Variants in KIAA1958 observed in about 807,000 individuals in gnomAD.
KIAA1958 encodes uncharacterized protein KIAA1958.
A neutral mutation model predicts 47.2 loss-of-function variants in KIAA1958; 14 were observed. That is an observed-to-expected ratio of 0.30 (90% confidence interval 0.20 to 0.46). The LOEUF (loss-of-function observed/expected upper bound fraction) is 0.46. Ranked by LOEUF, KIAA1958 falls within the 20% of genes least tolerant of loss-of-function variation. The pLI is 1.00. For synonymous variants in KIAA1958, 354 were observed against 353.3 expected, an observed-to-expected ratio of 1.00 and a Z score of -0.02; for missense variants, 803 against 909.2, an observed-to-expected ratio of 0.88 and a Z score of 1.50.
At chr9:112,589,406 G>A (rs1174141318) in intron 2 of KIAA1958, among the ~76,000 whole-genome samples, 1 of 152,190 alleles carries the variant, frequency 6.6e-6, no homozygotes, top group Admixed American at 6.5e-5. Flanking sequence ...AGACCAGCCT[G>A]ACCAACATGG....
chr9:112,565,967 G>A (rs935628220), intron 1 of KIAA1958, among the ~76,000 whole-genome samples: 5 of 152,124 alleles, frequency 3.3e-5, no homozygotes, highest in East Asian at 3.9e-4. Context: ...GCAGTGGCGC[G>A]ATCTCAGCTC....
intron 1 of KIAA1958, among the ~76,000 whole-genome samples, chr9:112,543,786 T>A (rs1156474085): frequency 6.6e-6 from 1 of 152,114 alleles, no homozygotes; most frequent in Non-Finnish European, 1.5e-5. Context: ...TTGGTCAGGC[T>A]GGTCTCGAAC....
chr9:112,539,724 T>C (rs568637674), intron 1 of KIAA1958, among the ~76,000 whole-genome samples: 17 of 152,238 alleles, frequency 1.1e-4, no homozygotes, highest in South Asian at 4.1e-4. Context: ...GGAGTCTCCC[T>C]CTGTCACCGA....
At chr9:112,636,371 GTTC>G (rs1276224759) in intron 2 of KIAA1958, among the ~76,000 whole-genome samples, 1 of 151,970 alleles carries the variant, frequency 6.6e-6, no homozygotes, top group Non-Finnish European at 1.5e-5. Flanking sequence ...TGTGTGTGTT[GTTC>G]TTCTTTATGT....
chr9:112,547,859 T>C (rs1835067817), intron 1 of KIAA1958, among the ~76,000 whole-genome samples: 1 of 152,166 alleles, frequency 6.6e-6, no homozygotes. Context: ...TGAAGCCTGC[T>C]GCCTGGAGGA....
intron 2 of KIAA1958, among the ~76,000 whole-genome samples, chr9:112,609,548 A>G (rs935878405): frequency 6.6e-6 from 1 of 152,096 alleles, no homozygotes; most frequent in Admixed American, 6.6e-5. Flanking sequence ...GAAACTTTAT[A>G]TATACGTAAT....
At position 112,487,067 on chromosome 9, in the gene KIAA1958, G is replaced by A; in HGVS notation, c.-76G>A. On this transcript the variant is annotated 5_prime_UTR_variant, in exon 1 of 4. Coordinates refer to ENST00000337530, the MANE Select transcript of KIAA1958 (RefSeq NM_133465.4). ...CAGCCCGGGCTGCCCGGCTCTCGCAGGCCCCCCCGCGCCGACCGCGTTCCT... is the reference window on the plus strand; with the variant it reads ...CAGCCCGGGCTGCCCGGCTCTCGCAAGCCCCCCCGCGCCGACCGCGTTCCT... 2 of 224,674 alleles carry A rather than the reference G, an allele frequency of 8.9e-6. No individual in the cohort carries two copies. Among genetic ancestry groups the A allele is most frequent in the South Asian group, 9.5e-5 (2 of 21,008 alleles). The allele number at this position is 224,674 out of a possible 1,614,324, so 13.9% of individuals were successfully genotyped here.
intron 1 of KIAA1958, among the ~76,000 whole-genome samples, chr9:112,549,006 C>T (rs1835092614): frequency 6.6e-6 from 1 of 152,132 alleles, no homozygotes; most frequent in Non-Finnish European, 1.5e-5. Flanking sequence ...AGCTTGGTCT[C>T]GGACCTTTAG....
At chr9:112,647,559 T>C (rs1436384985) in intron 3 of KIAA1958, among the ~76,000 whole-genome samples, 1 of 152,174 alleles carries the variant, frequency 6.6e-6, no homozygotes, top group East Asian at 1.9e-4. Flanking sequence ...CACGAAGGCC[T>C]TTAGATAGCA....
chr9:112,592,451 G>A (rs1835940860), intron 2 of KIAA1958, among the ~76,000 whole-genome samples: 1 of 152,124 alleles, frequency 6.6e-6, no homozygotes, highest in African/African-American at 2.4e-5. Flanking sequence ...GTCACTTTGG[G>A]CAAATTACTT....
At chr9:112,614,990 A>G (rs1476822961) in intron 2 of KIAA1958, among the ~76,000 whole-genome samples, 1 of 152,208 alleles carries the variant, frequency 6.6e-6, no homozygotes, top group Non-Finnish European at 1.5e-5. Flanking sequence ...ACAGACTTAA[A>G]CTTTTTTGCT....
intron 1 of KIAA1958, among the ~76,000 whole-genome samples, chr9:112,505,341 T>C (rs961367165): frequency 5.3e-5 from 8 of 152,226 alleles, no homozygotes; most frequent in African/African-American, 1.9e-4. Flanking sequence ...CTCAGTGCTT[T>C]AGTTTCCGCG....
intron 2 of KIAA1958, among the ~76,000 whole-genome samples, chr9:112,611,756 A>G (rs543742612): frequency 6.6e-6 from 1 of 152,222 alleles, no homozygotes; most frequent in Admixed American, 6.5e-5. Context: ...TTGTTATACA[A>G]AAGTTTTAAA....
intron 3 of KIAA1958, among the ~76,000 whole-genome samples, chr9:112,652,012 G>A (rs1001845113): frequency 5.3e-5 from 8 of 152,146 alleles, no homozygotes; most frequent in Non-Finnish European, 8.8e-5. Context: ...GACTACAGGC[G>A]TGCAACACCA....
At chr9:112,506,651 A>T (rs1834240167) in intron 1 of KIAA1958, among the ~76,000 whole-genome samples, 2 of 150,524 alleles carry the variant, frequency 1.3e-5, no homozygotes. Flanking sequence ...CAGTGCTGAT[A>T]TTATTTTCTT....
intron 2 of KIAA1958, among the ~76,000 whole-genome samples, chr9:112,634,553 C>T (rs1836769274): frequency 6.6e-6 from 1 of 152,106 alleles, no homozygotes; most frequent in Non-Finnish European, 1.5e-5. Flanking sequence ...TTTAATTGGA[C>T]TATCTCCCTT....
At chr9:112,570,818 C>T (rs1835519985) in intron 1 of KIAA1958, among the ~76,000 whole-genome samples, 1 of 152,206 alleles carries the variant, frequency 6.6e-6, no homozygotes, top group Non-Finnish European at 1.5e-5. Context: ...TGTCTGCTAG[C>T]TGGAAACCCT....
At chr9:112,493,165 C>CT (rs55780025) in intron 1 of KIAA1958, among the ~76,000 whole-genome samples, 1 of 149,362 alleles carries the variant, frequency 6.7e-6, no homozygotes, top group Non-Finnish European at 1.5e-5. Context: ...TCTTTTAGTG[C>CT]TTTTTTTTTT....
At chr9:112,614,576 C>T (rs1836379403) in intron 2 of KIAA1958, among the ~76,000 whole-genome samples, 1 of 152,166 alleles carries the variant, frequency 6.6e-6, no homozygotes, top group African/African-American at 2.4e-5. Flanking sequence ...GACTTTAAAA[C>T]TATTTCTTTC....
Sources: allele counts gnomAD v4.1 joint callset (sites outside exome capture counted in the v4.1 genomes callset), GRCh38; gene constraint gnomAD v4.1.1; transcripts MANE v1.5; gene names NCBI Gene and HGNC (gene_info 2026-07-23, HGNC 2026-07-21).